Variants in KCNQ2 observed in about 807,000 individuals in gnomAD.
KCNQ2 encodes potassium voltage-gated channel subfamily KQT member 2.
KCNQ2 carries 14 observed loss-of-function variants against 84.8 expected under a neutral mutation model. The observed-to-expected ratio is 0.17, with a 90% CI of 0.11 to 0.26. The LOEUF is 0.26. KCNQ2 is among the 10% of genes least tolerant of loss of function. The pLI, the probability that KCNQ2 is intolerant of heterozygous loss-of-function variation, is 1.00. For synonymous variants in KCNQ2, 599 were observed against 554.1 expected, an observed-to-expected ratio of 1.08 and a Z score of -1.14; for missense variants, 788 against 1,254.0, an observed-to-expected ratio of 0.63 and a Z score of 5.61.
At chr20:63,432,187 G>T (rs2080826527) in intron 8 of KCNQ2, among the ~76,000 whole-genome samples, 1 of 149,060 alleles carries the variant, frequency 6.7e-6, no homozygotes, top group South Asian at 2.1e-4. Context: ...CACAGGGAAG[G>T]CTCCACCCTC....
chr20:63,424,023 G>A (rs551637009), intron 11 of KCNQ2, 154 bp downstream of exon 11: 8 of 767,028 alleles, frequency 1.0e-5, no homozygotes, highest in African/African-American at 3.5e-5. Flanking sequence ...CCACATCACC[G>A]CCAGGCGGGG....
chr20:63,428,257 C>T lies in KCNQ2; in HGVS notation c.1217+110G>A, dbSNP rs924262274. ...CCAAGTCCAGCGTCCCCGCGCGTCC[C>T]AGCTCCCTGGAGTCCCTGGGGCACT... On this transcript the variant is annotated intron_variant, in intron 10 of 16. Transcript: ENST00000359125. The T allele has an allele frequency of 1.5e-5, 12 of 824,180 alleles. No individual in the cohort carries two copies. The Admixed American group carries it at 2.5e-4, about 17-fold the overall frequency. The allele number at this position is 824,180 out of a possible 1,614,324, so 51.1% of individuals were successfully genotyped here. A position where few individuals can be genotyped will look rare whatever the true frequency, so the allele number is the denominator to read the frequency against.
At position 63,446,461 on chromosome 20, in the gene KCNQ2, G is replaced by A. The variant is rs971780490; in HGVS notation, c.387+286C>T. On this transcript the variant is annotated intron_variant, in intron 2 of 16. Transcript: ENST00000359125. The surrounding 1 kb of genome is among the most constrained non-coding windows in gnomAD (Gnocchi z 5.5). ...CAGAGATAAAGTGGGGATGGGAAAG[G>A]GAGGGTGGCCCACCCAGGGTGGGGG... Among the ~76,000 whole-genome samples the A allele has an allele frequency of 6.6e-6, 1 of 152,176 alleles. No individual in the cohort carries two copies. The highest frequency in any genetic ancestry group is 1.5e-5 in the Non-Finnish European group (1 of 68,022).
intron 12 of KCNQ2, among the ~76,000 whole-genome samples, chr20:63,415,556 A>C (rs1488949254): frequency 4.7e-5 from 2 of 42,460 alleles, no homozygotes; most frequent in Non-Finnish European, 5.6e-5. Flanking sequence ...ACCCGGCGGG[A>C]GGGAGGGAGG....
chr20:63,415,707 C>T (rs1288354011), intron 12 of KCNQ2, among the ~76,000 whole-genome samples: 1 of 152,178 alleles, frequency 6.6e-6, no homozygotes, highest in Admixed American at 6.5e-5. Flanking sequence ...TCACACTGTC[C>T]TGCCAGCCCC....
At chr20:63,434,921 T>C (rs916626496) in intron 7 of KCNQ2, among the ~76,000 whole-genome samples, 1 of 152,256 alleles carries the variant, frequency 6.6e-6, no homozygotes, top group African/African-American at 2.4e-5. Context: ...GAAGGTCTGT[T>C]TTCAATTCTT....
rs75020642 is a variant in KCNQ2 at position 63,428,478 on chromosome 20, C to T, written c.1149-43G>A. On this transcript the variant is annotated intron_variant, in intron 9 of 16. Coordinates refer to ENST00000359125, the MANE Select transcript of KCNQ2 (RefSeq NM_172107.4). ...GAGGGGAGTGAGCGTCTCACCCTCCCGAGTCCTGGGACACCTCCCTCTGCT... is the reference window on the plus strand; with the variant it reads ...GAGGGGAGTGAGCGTCTCACCCTCCTGAGTCCTGGGACACCTCCCTCTGCT... 12 of 1,511,018 alleles carry T rather than the reference C, an allele frequency of 7.9e-6. 1 individual carries two copies. The South Asian group carries it at 8.4e-5, about 11-fold the overall frequency. The allele number at this position is 1,511,018 out of a possible 1,614,324, so 93.6% of individuals were successfully genotyped here. A position where few individuals can be genotyped will look rare whatever the true frequency, so the allele number is the denominator to read the frequency against.
intron 4 of KCNQ2, among the ~76,000 whole-genome samples, chr20:63,442,920 C>T (rs1488379246): frequency 4.2e-4 from 7 of 16,472 alleles, no homozygotes; most frequent in Admixed American, 1.3e-3. Context: ...ATCACCATCA[C>T]CACCATCACC....
intron 5 of KCNQ2, 114 bp from the exon 6 acceptor site, chr20:63,439,822 G>C: frequency 1.3e-6 from 1 of 793,330 alleles, no homozygotes. Context: ...GGCCACCCCC[G>C]TGTCACCATC....
At chr20:63,465,950 G>C (rs927301568) in intron 1 of KCNQ2, among the ~76,000 whole-genome samples, 1 of 152,150 alleles carries the variant, frequency 6.6e-6, no homozygotes, top group Non-Finnish European at 1.5e-5. Context: ...CTGCCGTCCC[G>C]AGGCGGCCCG....
chr20:63,464,962 G>A (rs1333951794), intron 1 of KCNQ2, among the ~76,000 whole-genome samples: 2 of 152,230 alleles, frequency 1.3e-5, no homozygotes, highest in African/African-American at 2.4e-5. Flanking sequence ...GCAGGTTACA[G>A]AGAAAGAAAA....
chr20:63,445,157 C>T (rs1024850753), intron 3 of KCNQ2, 81 bp downstream of exon 3: 47 of 1,590,748 alleles, frequency 3.0e-5, no homozygotes, highest in African/African-American at 1.2e-4. Context: ...CCCACGCAGA[C>T]GCCCCAGCTC....
At chr20:63,443,691 G>A (rs979914282) in intron 4 of KCNQ2, 2 of 152,252 alleles carry the variant, frequency 1.3e-5, no homozygotes, top group Admixed American at 6.6e-5. Flanking sequence ...CAGGGATATA[G>A]GGGCTGGATG....
Position 63,443,328 on chromosome 20 carries a change from TCACCATCACCACCATCACCACCACCAC to T in KCNQ2, c.691-824_691-798del, listed in dbSNP as rs1568937223. 1.9e-3 allele frequency among the ~76,000 whole-genome samples: 14 copies of T among 7,326 alleles called. 1 individual carries two copies. The highest frequency in any genetic ancestry group is 7.5e-3 in the African/African-American group (13 of 1,740). The allele number at this position is 7,326 out of a possible 152,430, so 4.8% of individuals were successfully genotyped here. Reference sequence around the variant, plus strand: ...ATCACCATCATCACCACCACCACCATCACCATCACCACCATCACCACCACCACCACCATCACCATCATCACCACCATC... The same window carrying T: ...ATCACCATCATCACCACCACCACCATCACCATCACCATCATCACCACCATC... On this transcript the variant is annotated intron_variant, in intron 4 of 16. Coordinates refer to ENST00000359125, the MANE Select transcript of KCNQ2 (RefSeq NM_172107.4).
chr20:63,425,541 G>C lies in KCNQ2; in HGVS notation c.1218-1335C>G, dbSNP rs2080600555. 6.6e-6 allele frequency among the ~76,000 whole-genome samples: 1 copy of C among 152,102 alleles called. No homozygotes were observed. The highest frequency in any genetic ancestry group is 6.6e-5 in the Admixed American group (1 of 15,266). ...TCGAGACCAGCCTGACCAACATGGTGAAACCCCGTCTCTACTAAAAATACA... is the reference window on the plus strand; with the variant it reads ...TCGAGACCAGCCTGACCAACATGGTCAAACCCCGTCTCTACTAAAAATACA... On this transcript the variant is annotated intron_variant, in intron 10 of 16. Transcript: ENST00000359125. This position sits in a 1 kb window ranked among gnomAD's most constrained non-coding sequence, Gnocchi z 5.5.
chr20:63,416,813 G>A lies in KCNQ2; in HGVS notation c.1302-1687C>T, dbSNP rs908294959. The stretch of plus-strand genomic sequence containing the variant: ...AGCCACAGACATGAGAGCCCACCGC[G>A]CCCGTCTGCCTGGCCTGGACACGCG... On this transcript the variant is annotated intron_variant, in intron 12 of 16. Coordinates refer to ENST00000359125, the MANE Select transcript of KCNQ2 (RefSeq NM_172107.4). Among the ~76,000 whole-genome samples the A allele has an allele frequency of 7.9e-5, 12 of 152,060 alleles. 1 individual carries two copies. Among genetic ancestry groups the A allele is most frequent in the African/African-American group, 7.2e-5 (3 of 41,476 alleles).
chr20:63,423,979 G>C, intron 11 of KCNQ2, 198 bp downstream of exon 11: 1 of 642,130 alleles, frequency 1.6e-6, no homozygotes, highest in Non-Finnish European at 2.9e-6. Context: ...CGAATCACTG[G>C]GGAGGGGGTG....
At position 63,404,015 on chromosome 20, in the gene KCNQ2, G is replaced by A. The variant is rs530161740; in HGVS notation, c.*2629C>T. On this transcript the variant is annotated 3_prime_UTR_variant, in exon 17 of 17. Transcript: ENST00000359125. ...CCTTTGTCTCCCAAAACAGGGCCCCGCAACCATCCCAGGACGTGCACCTTC... is the reference window on the plus strand; with the variant it reads ...CCTTTGTCTCCCAAAACAGGGCCCCACAACCATCCCAGGACGTGCACCTTC... The A allele has an allele frequency of 1.4e-3, 216 of 152,568 alleles. No individual in the cohort carries two copies. The highest frequency in any genetic ancestry group is 2.5e-3 in the Non-Finnish European group (174 of 68,248). 9.5% of individuals were successfully genotyped at this position (152,568 alleles called of 1,614,324 possible).
intron 4 of KCNQ2, among the ~76,000 whole-genome samples, chr20:63,443,301 CCAT>C (rs1326082695): frequency 1.7e-4 from 8 of 46,056 alleles, no homozygotes; most frequent in East Asian, 5.1e-4. Context: ...ATCACCACCA[CCAT>C]CACCATCATC....
Sources: gnomAD v4.1 joint callset for allele counts (sites outside exome capture counted in the v4.1 genomes callset) on GRCh38, gnomAD v4.1.1 for gene constraint, Gnocchi (gnomAD v3.1) non-coding constraint, MANE v1.5 for transcripts, NCBI Gene and HGNC (gene_info 2026-07-23, HGNC 2026-07-21) for gene names.